The following SND1 variants were observed in gnomAD, a reference collection of about 807,000 sequenced individuals.
SND1 encodes staphylococcal nuclease and tudor domain containing 1.
SND1 carries 38 observed loss-of-function variants against 121.7 expected under a neutral mutation model. The observed-to-expected ratio is 0.31, with a 90% confidence interval of 0.24 to 0.41. SND1 has a LOEUF of 0.41. SND1 is among the 10% of genes least tolerant of loss of function. SND1 has a pLI of 1.00. For missense variants in SND1, 868 were observed against 1,184.6 expected (o/e 0.73, Z 3.92); for synonymous variants, 401 against 447.4 (o/e 0.90, Z 1.31).
chr7:127,771,693 G>A (rs933833219), intron 10 of SND1, among the ~76,000 whole-genome samples: 2 of 152,102 alleles, frequency 1.3e-5, no homozygotes, highest in African/African-American at 2.4e-5. Context: ...ATGAAACTTA[G>A]TCACAGTTGA....
chr7:127,670,252 G>C (rs1795492558), intron 1 of SND1, among the ~76,000 whole-genome samples: 1 of 151,930 alleles, frequency 6.6e-6, no homozygotes, highest in Non-Finnish European at 1.5e-5. Flanking sequence ...GCCTCCCAAA[G>C]TGCTGGGATT....
Position 127,963,261 on chromosome 7 carries a change from T to C in SND1, c.1670-27686T>C, listed in dbSNP as rs1489529909. ...GCGGCATATTTCTTTTCTTTTTTTTTTTTTAATTATACTTTAAGTTTTAGG... is the reference window on the plus strand; with the variant it reads ...GCGGCATATTTCTTTTCTTTTTTTTCTTTTAATTATACTTTAAGTTTTAGG... On this transcript the variant is annotated intron_variant, in intron 15 of 23. Transcript: ENST00000354725. Among the ~76,000 whole-genome samples, 12 of 151,950 alleles carry C rather than the reference T, an allele frequency of 7.9e-5. No individual in the cohort carries two copies. In the South Asian group the frequency reaches 2.5e-3, roughly 32 times the overall value.
chr7:127,801,934 A>T (rs1381210678), intron 10 of SND1, among the ~76,000 whole-genome samples: 1 of 152,022 alleles, frequency 6.6e-6, no homozygotes. Context: ...CTCCACCTCC[A>T]GAGTTCACGC....
At chr7:127,865,129 C>G (rs187901827) in intron 12 of SND1, among the ~76,000 whole-genome samples, 85 of 152,310 alleles carry the variant, frequency 5.6e-4, no homozygotes, top group African/African-American at 1.9e-3. Context: ...AGCAGTTAGG[C>G]AGGAATTCCA....
chr7:127,861,073 AC>A (rs1259735218), intron 12 of SND1, among the ~76,000 whole-genome samples: 2 of 152,150 alleles, frequency 1.3e-5, no homozygotes, highest in African/African-American at 4.8e-5. Flanking sequence ...TCTAGGTATA[AC>A]CCCATTTATG....
intron 16 of SND1, among the ~76,000 whole-genome samples, chr7:128,032,369 G>GGGGCCA (rs1185950439): frequency 6.6e-6 from 1 of 151,196 alleles, no homozygotes; most frequent in Non-Finnish European, 1.5e-5. Context: ...CGAGCGGAGC[G>GGGGCCA]GGGCCAGGGC....
intron 15 of SND1, among the ~76,000 whole-genome samples, chr7:127,963,417 C>A (rs1053498705): frequency 7.1e-6 from 1 of 140,420 alleles, no homozygotes; most frequent in Admixed American, 7.2e-5. Flanking sequence ...CCCGCCGCCA[C>A]CACAGTCCCC....
At chr7:127,913,100 A>T (rs117873235) in intron 14 of SND1, among the ~76,000 whole-genome samples, 1 of 152,174 alleles carries the variant, frequency 6.6e-6, no homozygotes, top group Non-Finnish European at 1.5e-5. Context: ...TAGCTCTGCA[A>T]TTCAACACCT....
chr7:128,085,629 C>G lies in SND1; in HGVS notation c.2235-82C>G. On this transcript the variant is annotated intron_variant, in intron 19 of 23. Transcript: ENST00000354725. The surrounding 1 kb of genome is among the most constrained non-coding windows in gnomAD (Gnocchi z 4.4). ...GAACCCAGGCAGGGAAATGCTGTGC[C>G]CCTGCCCCGCCATTGCTGAGGCTCT... 1 of 1,239,638 alleles carries G rather than the reference C, an allele frequency of 8.1e-7. No individual in the cohort carries two copies. The highest frequency in any genetic ancestry group is 1.2e-6 in the Non-Finnish European group (1 of 845,568). 76.8% of individuals were successfully genotyped at this position (1,239,638 alleles called of 1,614,324 possible).
At position 127,956,579 on chromosome 7, in the gene SND1, G is replaced by C. The variant is rs1157904044; in HGVS notation, c.1669+27250G>C. The stretch of plus-strand genomic sequence containing the variant: ...GTGGTCAGGAGAGGCTCGATGGATG[G>C]CCTAGAGCTTCAGCAGATCCCTAAG... On this transcript the variant is annotated intron_variant, in intron 15 of 23. Coordinates refer to ENST00000354725, the MANE Select transcript of SND1 (RefSeq NM_014390.4). 2.6e-5 allele frequency among the ~76,000 whole-genome samples: 4 copies of C among 152,296 alleles called. No homozygotes were observed. The South Asian group carries it at 8.3e-4, about 32-fold the overall frequency.
At chr7:127,770,223 G>A (rs958126580) in intron 10 of SND1, among the ~76,000 whole-genome samples, 10 of 152,272 alleles carry the variant, frequency 6.6e-5, no homozygotes, top group African/African-American at 2.4e-4. Flanking sequence ...AGCCACCAGG[G>A]AGTGGAGACA....
At chr7:127,788,671 G>T (rs913448588) in intron 10 of SND1, among the ~76,000 whole-genome samples, 1 of 152,100 alleles carries the variant, frequency 6.6e-6, no homozygotes, top group African/African-American at 2.4e-5. Flanking sequence ...TTCAGAAATC[G>T]CTTTGAATGT....
chr7:128,050,232 A>G (rs1007012065), intron 16 of SND1, among the ~76,000 whole-genome samples: 3 of 152,172 alleles, frequency 2.0e-5, no homozygotes, highest in Non-Finnish European at 2.9e-5. Flanking sequence ...GAACGCCTCT[A>G]TGGAGGCATT....
At chr7:127,970,559 G>GT (rs1360510118) in intron 15 of SND1, among the ~76,000 whole-genome samples, 3 of 151,492 alleles carry the variant, frequency 2.0e-5, no homozygotes, top group African/African-American at 4.9e-5. Flanking sequence ...TCTTTCTCAA[G>GT]TTTTTTTTTA....
At chr7:128,090,717 G>A (rs73239704) in intron 22 of SND1, among the ~76,000 whole-genome samples, 34,889 of 151,668 alleles carry the variant, frequency 0.23, 4,579 homozygotes, top group Middle Eastern at 0.32. Context: ...CCACCACACC[G>A]CAAGCCCACA....
At chr7:127,834,871 G>T (rs1463662903) in intron 11 of SND1, among the ~76,000 whole-genome samples, 3 of 152,054 alleles carry the variant, frequency 2.0e-5, no homozygotes, top group Non-Finnish European at 4.4e-5. Context: ...TTCCTTGTCT[G>T]AGTGACTTCT....
In SND1 at chr7:127,844,411, A is replaced by T; in HGVS notation, c.1330A>T (p.Thr444Ser). ...TTCAGAGCGTACCTGTGCCACTGTC[A>T]CCATTGGAGGAATGTGAGTGTTCTG... ...AFSERTCATVTIGGINIAEAL... is the reference protein window; with the variant it reads ...AFSERTCATVSIGGINIAEAL... Residue 444 changes from threonine (T) to serine (S), a missense_variant, in exon 12 of 24, where the codon ACC becomes TCC. Transcript: ENST00000354725. 6.2e-7 allele frequency: 1 copy of T among 1,613,056 alleles called. No individual in the cohort carries two copies. Among genetic ancestry groups the T allele is most frequent in the Non-Finnish European group, 8.5e-7 (1 of 1,179,418 alleles).
intron 11 of SND1, among the ~76,000 whole-genome samples, chr7:127,815,183 G>A (rs973168468): frequency 6.6e-6 from 1 of 152,146 alleles, no homozygotes; most frequent in Admixed American, 6.6e-5. Flanking sequence ...GGGTTGCACA[G>A]CATCTCCCCA....
In SND1 at chr7:127,778,227, G is replaced by A. The variant is rs1201150951; in HGVS notation, c.1153-29257G>A. ...TTTATTTATTTTGAGACGGAGTCTCGCTCTGTCGCCAGGCTGGAGTGCAGT... is the reference window on the plus strand; with the variant it reads ...TTTATTTATTTTGAGACGGAGTCTCACTCTGTCGCCAGGCTGGAGTGCAGT... On this transcript the variant is annotated intron_variant, in intron 10 of 23. Transcript: ENST00000354725. Among the ~76,000 whole-genome samples, 3 of 135,848 alleles carry A rather than the reference G, an allele frequency of 2.2e-5. No individual in the cohort carries two copies. The East Asian group carries it at 6.4e-4, about 29-fold the overall frequency. 89.1% of individuals were successfully genotyped at this position (135,848 alleles called of 152,430 possible). A position where few individuals can be genotyped will look rare whatever the true frequency, so the allele number is the denominator to read the frequency against.
Sources: gnomAD v4.1 joint callset for allele counts (sites outside exome capture counted in the v4.1 genomes callset) on GRCh38, gnomAD v4.1.1 for gene constraint, Gnocchi (gnomAD v3.1) non-coding constraint, MANE v1.5 for transcripts, NCBI Gene and HGNC (gene_info 2026-07-23, HGNC 2026-07-21) for gene names.